FILIP1L: variants seen among roughly 807,000 people sequenced by gnomAD.
FILIP1L encodes filamin A-interacting protein 1-like.
A neutral mutation model predicts 96.6 loss-of-function variants in FILIP1L; 55 were observed. That is an observed-to-expected ratio of 0.57 (90% CI 0.46 to 0.71). The LOEUF (loss-of-function observed/expected upper bound fraction) is 0.71. FILIP1L is among the 30% of genes least tolerant of loss of function. The pLI is 0.00. For synonymous variants in FILIP1L, 467 were observed against 473.9 expected (o/e 0.99, Z 0.19); for missense variants, 1,304 against 1,321.2 (o/e 0.99, Z 0.20).
rs377050183 is a variant in FILIP1L at position 99,850,743 on chromosome 3, C to T, written c.933G>A (p.Ala311=). 14 of 1,614,076 alleles carry T rather than the reference C, an allele frequency of 8.7e-6. No homozygotes were observed. The highest frequency in any genetic ancestry group is 6.7e-5 in the East Asian group (3 of 44,894). ...KFHQDQDTIM[A]KLTNEDSQNR... is the part of the protein sequence containing the mutation. ...TTTGACTGTCCTCATTGGTGAGCTT[C>T]GCCATAATTGTGTCTTGGTCTTGGT... Residue 311 remains alanine (A), a synonymous_variant, in exon 5 of 6, where the codon GCG becomes GCA. Transcript: ENST00000477258.
chr3:99,855,623 A>G (rs1376825699), intron 4 of FILIP1L, among the ~76,000 whole-genome samples: 3 of 152,204 alleles, frequency 2.0e-5, no homozygotes, highest in Non-Finnish European at 4.4e-5. Context: ...GTCCACACAC[A>G]AGGATTTTTA....
At chr3:100,076,147 C>G (rs2065846963) in intron 1 of FILIP1L, among the ~76,000 whole-genome samples, 1 of 152,162 alleles carries the variant, frequency 6.6e-6, no homozygotes, top group South Asian at 2.1e-4. Flanking sequence ...AGTTATCTTG[C>G]CCGGAAAACC....
chr3:99,972,340 C>T (rs964109832), intron 1 of FILIP1L, among the ~76,000 whole-genome samples: 3 of 152,192 alleles, frequency 2.0e-5, no homozygotes, highest in African/African-American at 7.2e-5. Flanking sequence ...AAAACTAATG[C>T]CATGGCAGGA....
At chr3:100,007,670 T>G (rs1181421931) in intron 1 of FILIP1L, among the ~76,000 whole-genome samples, 1 of 152,204 alleles carries the variant, frequency 6.6e-6, no homozygotes, top group Non-Finnish European at 1.5e-5. Context: ...TTAAATTGCC[T>G]TAAACCAAAA....
intron 4 of FILIP1L, among the ~76,000 whole-genome samples, chr3:99,905,502 C>T (rs748100786): frequency 1.3e-5 from 2 of 152,214 alleles, no homozygotes; most frequent in Admixed American, 1.3e-4. Flanking sequence ...CTCCATTTTA[C>T]ATCTTATAGC....
chr3:100,071,512 G>C (rs549654998), intron 1 of FILIP1L, among the ~76,000 whole-genome samples: 2 of 152,282 alleles, frequency 1.3e-5, no homozygotes, highest in South Asian at 4.1e-4. Context: ...ATTTACATGG[G>C]AGAAGGGTGG....
chr3:99,844,345 G>A (rs959706274), intron 5 of FILIP1L, among the ~76,000 whole-genome samples: 6 of 152,146 alleles, frequency 3.9e-5, no homozygotes, highest in African/African-American at 9.7e-5. Flanking sequence ...TCTGAGATAC[G>A]CTGATCTATA....
intron 1 of FILIP1L, among the ~76,000 whole-genome samples, chr3:99,956,546 C>G (rs1375218310): frequency 1.3e-5 from 2 of 152,168 alleles, no homozygotes; most frequent in Admixed American, 6.5e-5. Context: ...GGGGTTTCAC[C>G]ACGTTGGCCA....
chr3:100,033,248 T>C (rs1373152409), intron 1 of FILIP1L, among the ~76,000 whole-genome samples: 1 of 152,204 alleles, frequency 6.6e-6, no homozygotes, highest in East Asian at 1.9e-4. Flanking sequence ...CATTGACTGC[T>C]TGCAATTTCC....
At chr3:99,919,406 T>C (rs2107648515) in intron 4 of FILIP1L, among the ~76,000 whole-genome samples, 2 of 149,444 alleles carry the variant, frequency 1.3e-5, no homozygotes, top group Middle Eastern at 3.4e-3. Flanking sequence ...ATCTACCTTG[T>C]TCGCCCAGTA....
At chr3:99,935,287 G>A (rs1388257981) in intron 1 of FILIP1L, among the ~76,000 whole-genome samples, 1 of 149,500 alleles carries the variant, frequency 6.7e-6, no homozygotes, top group African/African-American at 2.5e-5. Flanking sequence ...AAGGAAAGTT[G>A]CTTTTTGTGT....
chr3:100,083,737 C>CTTTG (rs760641222), intron 1 of FILIP1L, among the ~76,000 whole-genome samples: 19 of 151,996 alleles, frequency 1.3e-4, no homozygotes, highest in African/African-American at 2.2e-4. Context: ...ATCACCATTT[C>CTTTG]TTTGTTTGTT....
chr3:99,997,454 G>C (rs1709716061), intron 1 of FILIP1L, among the ~76,000 whole-genome samples: 1 of 152,150 alleles, frequency 6.6e-6, no homozygotes, highest in African/African-American at 2.4e-5. Flanking sequence ...CAGATTTTGA[G>C]GCTAAGTCTT....
At chr3:100,035,557 A>G (rs996678276) in intron 1 of FILIP1L, among the ~76,000 whole-genome samples, 1 of 151,968 alleles carries the variant, frequency 6.6e-6, no homozygotes, top group African/African-American at 2.4e-5. Context: ...GACACTGCAC[A>G]CAGCTGAATT....
At position 99,832,231 on chromosome 3, in the gene FILIP1L, C is replaced by CTT. The variant is rs577849748; in HGVS notation, c.3382-1628_3382-1627dup. On this transcript the variant is annotated intron_variant, in intron 5 of 5. Coordinates refer to ENST00000477258, the MANE Select transcript of FILIP1L (RefSeq NM_001387850.1). ...ACAACCCCAATTGTCATTCCTAAATCTTTTTTTTTTTTTTTTTGAGACGGA... is the reference window on the plus strand; with the variant it reads ...ACAACCCCAATTGTCATTCCTAAATCTTTTTTTTTTTTTTTTTTTGAGACGGA... Among the ~76,000 whole-genome samples the CTT allele has an allele frequency of 4.1e-3, 565 of 138,142 alleles. 9 individuals are homozygous for CTT. The highest frequency in any genetic ancestry group is 0.014 in the African/African-American group (538 of 37,464). The allele number at this position is 138,142 out of a possible 152,430, so 90.6% of individuals were successfully genotyped here.
At chr3:99,904,502 A>G (rs954986341) in intron 4 of FILIP1L, among the ~76,000 whole-genome samples, 3 of 152,256 alleles carry the variant, frequency 2.0e-5, no homozygotes, top group Non-Finnish European at 2.9e-5. Flanking sequence ...AGGATATTCC[A>G]TTAAAATGAG....
In FILIP1L at chr3:99,848,587, G is replaced by T. The variant is rs765900822; in HGVS notation, c.3089C>A (p.Ala1030Glu). The change falls in exon 5 of 6, where the codon GCG becomes GAG. Residue 1030 changes from alanine (A) to glutamate (E), a missense_variant. Coordinates refer to ENST00000477258, the MANE Select transcript of FILIP1L (RefSeq NM_001387850.1). ...CCGGTCTGGGGAGACTCTGAATATCGCATGCTTGGCACTGATTTCTGTTGG... is the reference window on the plus strand; with the variant it reads ...CCGGTCTGGGGAGACTCTGAATATCTCATGCTTGGCACTGATTTCTGTTGG... The part of the protein sequence containing the change: ...PEPTEISAKH[A>E]IFRVSPDRQS... 7 of 1,614,134 alleles carry T rather than the reference G, an allele frequency of 4.3e-6. No homozygotes were observed. In the South Asian group the frequency reaches 7.7e-5, roughly 18 times the overall value.
At chr3:100,089,079 G>A (rs975843196) in intron 1 of FILIP1L, among the ~76,000 whole-genome samples, 2 of 152,198 alleles carry the variant, frequency 1.3e-5, no homozygotes, top group East Asian at 1.9e-4. Flanking sequence ...GCATCAGTGA[G>A]GATCATTTTA....
At chr3:100,084,129 T>A (rs950266134) in intron 1 of FILIP1L, among the ~76,000 whole-genome samples, 1 of 152,170 alleles carries the variant, frequency 6.6e-6, no homozygotes, top group Non-Finnish European at 1.5e-5. Context: ...ATGAGACCCA[T>A]GTCATTTGCT....
Sources: allele counts gnomAD v4.1 joint callset (sites outside exome capture counted in the v4.1 genomes callset), GRCh38; gene constraint gnomAD v4.1.1; transcripts MANE v1.5; gene names NCBI Gene and HGNC (gene_info 2026-07-23, HGNC 2026-07-21).